The following UBE2K variants were observed in gnomAD, a reference collection of about 807,000 sequenced individuals.
UBE2K encodes ubiquitin conjugating enzyme E2 K.
In UBE2K, 6 loss-of-function variants were observed where a neutral mutation model predicts 30.0. The observed-to-expected ratio is 0.20, with a 90% CI of 0.11 to 0.39. UBE2K has a LOEUF of 0.39. Ranked by LOEUF, UBE2K falls within the 10% of genes least tolerant of loss-of-function variation. The probability of loss-of-function intolerance (pLI) is 1.00; values close to 1 mark genes in which losing one functional copy is unlikely to be tolerated. For missense variants in UBE2K, 61 were observed against 241.6 expected, an observed-to-expected ratio of 0.25 and a Z score of 4.96; for synonymous variants, 86 against 83.7, an observed-to-expected ratio of 1.03 and a Z score of -0.15.
At chr4:39,755,153 G>C (rs1412474013) in intron 3 of UBE2K, among the ~76,000 whole-genome samples, 1 of 152,060 alleles carries the variant, frequency 6.6e-6, no homozygotes, top group Non-Finnish European at 1.5e-5. Context: ...ATCATAATAG[G>C]CATTTCAATA....
intron 3 of UBE2K, among the ~76,000 whole-genome samples, chr4:39,747,489 A>C (rs1721040541): frequency 6.6e-6 from 1 of 152,232 alleles, no homozygotes; most frequent in Admixed American, 6.5e-5. Flanking sequence ...TAATGTCATC[A>C]AGGTTCATTC....
intron 1 of UBE2K, among the ~76,000 whole-genome samples, chr4:39,727,751 A>G (rs1719835615): frequency 6.6e-6 from 1 of 152,102 alleles, no homozygotes; most frequent in Admixed American, 6.6e-5. Context: ...AGTGTATAAT[A>G]AAAACTGAGT....
intron 1 of UBE2K, among the ~76,000 whole-genome samples, chr4:39,706,290 A>G (rs1718359693): frequency 6.6e-6 from 1 of 151,920 alleles, no homozygotes; most frequent in Non-Finnish European, 1.5e-5. Flanking sequence ...TGCTGGGATT[A>G]CAGGTGTGAA....
rs548791517 is a variant in UBE2K at position 39,713,005 on chromosome 4, A to G, written c.63+14615A>G. Among the ~76,000 whole-genome samples, 65 of 151,884 alleles carry G rather than the reference A, an allele frequency of 4.3e-4. 1 individual carries two copies. In the East Asian group the frequency reaches 0.012, roughly 28 times the overall value. ...CTCAGCCTGCCAAGTAGTTGGGATT[A>G]CAGGCATGCCCCGCTAAGCCTGGCT... On this transcript the variant is annotated intron_variant, in intron 1 of 6. Transcript: ENST00000261427.
At chr4:39,759,394 G>A (rs1379213468) in intron 4 of UBE2K, among the ~76,000 whole-genome samples, 1 of 151,840 alleles carries the variant, frequency 6.6e-6, no homozygotes, top group African/African-American at 2.4e-5. Context: ...CTCCTGCCTC[G>A]GCCTCCTAAG....
intron 4 of UBE2K, among the ~76,000 whole-genome samples, chr4:39,766,153 TTTTGTGTGTGTTTTTG>T (rs1161150214): frequency 6.6e-6 from 1 of 152,088 alleles, no homozygotes; most frequent in African/African-American, 2.4e-5. Flanking sequence ...ACTCTGTGTT[TTTTGTGTGTGTTTTTG>T]TCTGTGTGTG....
intron 4 of UBE2K, among the ~76,000 whole-genome samples, chr4:39,760,196 A>AAAAAAAAAAAAAG (rs1711827123): frequency 1.3e-4 from 1 of 7,918 alleles, no homozygotes; most frequent in African/African-American, 4.4e-4. Flanking sequence ...AAAAAAACAG[A>AAAAAAAAAAAAAG]AAAAAAAAAA....
Position 39,776,582 on chromosome 4 carries a change from A to G in UBE2K, c.400-1100A>G, listed in dbSNP as rs1435775139. Among the ~76,000 whole-genome samples the G allele has an allele frequency of 5.9e-5, 9 of 152,174 alleles. 1 individual carries two copies. In the South Asian group the frequency reaches 1.0e-3, roughly 18 times the overall value. The stretch of plus-strand genomic sequence containing the variant: ...TTTCAAGCATTGCATTCATTTTTAC[A>G]TATTGTATCCAATCTACCATATTTC... On this transcript the variant is annotated intron_variant, in intron 5 of 6. Coordinates refer to ENST00000261427, the MANE Select transcript of UBE2K (RefSeq NM_005339.5).
intron 4 of UBE2K, chr4:39,771,204 T>G: frequency 6.2e-7 from 1 of 1,612,818 alleles, no homozygotes; most frequent in Non-Finnish European, 8.5e-7. Context: ...CCACGATGCG[T>G]GCACTGTGCA....
At chr4:39,745,688 G>C (rs1578469411) in intron 2 of UBE2K, 64 bp from the exon 3 acceptor site, 2 of 1,084,378 alleles carry the variant, frequency 1.8e-6, no homozygotes. Context: ...AAGCTCATCA[G>C]TATATTTGTC....
At chr4:39,771,670 C>T (rs894345126) in intron 4 of UBE2K, among the ~76,000 whole-genome samples, 1 of 152,040 alleles carries the variant, frequency 6.6e-6, no homozygotes, top group African/African-American at 2.4e-5. Context: ...CCAGGCCTCG[C>T]GCGCGCGGCG....
At chr4:39,752,335 CTTTTTTTTTTT>C (rs57289268) in intron 3 of UBE2K, among the ~76,000 whole-genome samples, 4 of 64,096 alleles carry the variant, frequency 6.2e-5, no homozygotes, top group African/African-American at 1.9e-4. Flanking sequence ...CTTTTTTTTT[CTTTTTTTTTTT>C]TTTTTTTTGA....
At chr4:39,777,636 T>C (rs776891600) in intron 5 of UBE2K, 46 bp from the exon 6 acceptor site, 1 of 1,471,066 alleles carries the variant, frequency 6.8e-7, no homozygotes, top group Admixed American at 2.8e-5. Context: ...ATATATCAAA[T>C]ATTATAACTG....
chr4:39,744,926 T>TA (rs1250279483), intron 2 of UBE2K, among the ~76,000 whole-genome samples: 35 of 148,474 alleles, frequency 2.4e-4, no homozygotes, highest in Non-Finnish European at 4.1e-4. Flanking sequence ...AAAAATAAAT[T>TA]AAATAAAATA....
At position 39,744,917 on chromosome 4, in the gene UBE2K, A is replaced by AT. The variant is rs1179009582; in HGVS notation, c.158-835_158-834insT. 5.8e-3 allele frequency among the ~76,000 whole-genome samples: 876 copies of AT among 150,426 alleles called. 9 individuals carry two copies. The highest frequency in any genetic ancestry group is 0.02 in the African/African-American group (831 of 41,102). On this transcript the variant is annotated intron_variant, in intron 2 of 6. Transcript: ENST00000261427. ...GCGAGACTCTGTCTCAAAAAAAAAA[A>AT]AAATAAATTAAATAAAATAAATAAA...
At chr4:39,768,475 T>C (rs1223462204) in intron 4 of UBE2K, among the ~76,000 whole-genome samples, 1 of 142,390 alleles carries the variant, frequency 7.0e-6, no homozygotes, top group Non-Finnish European at 1.5e-5. Context: ...ATGTAAAAAA[T>C]GGTGAGTAGA....
intron 3 of UBE2K, among the ~76,000 whole-genome samples, chr4:39,755,034 T>A (rs1721457186): frequency 6.6e-6 from 1 of 152,230 alleles, no homozygotes; most frequent in African/African-American, 2.4e-5. Context: ...ATGAGATGAT[T>A]GGACTCAGAA....
intron 4 of UBE2K, among the ~76,000 whole-genome samples, chr4:39,755,961 T>C (rs556465562): frequency 8.5e-5 from 13 of 152,240 alleles, no homozygotes; most frequent in Non-Finnish European, 1.9e-4. Flanking sequence ...AGCTTTACAC[T>C]TTGAAAAGCC....
At chr4:39,750,392 AT>A (rs1721195528) in intron 3 of UBE2K, among the ~76,000 whole-genome samples, 2 of 152,168 alleles carry the variant, frequency 1.3e-5, no homozygotes, top group Admixed American at 1.3e-4. Context: ...AATATTGATA[AT>A]TTAAGAATAG....
Sources: allele counts gnomAD v4.1 joint callset (sites outside exome capture counted in the v4.1 genomes callset), GRCh38; gene constraint gnomAD v4.1.1; transcripts MANE v1.5; gene names NCBI Gene and HGNC (gene_info 2026-07-23, HGNC 2026-07-21).